TNKS2: variants seen among roughly 807,000 people sequenced by gnomAD.
The protein encoded by TNKS2 is tankyrase 2, also known as poly [ADP-ribose] polymerase tankyrase-2.
Under a neutral mutation model 137.6 loss-of-function variants are expected in TNKS2, and 72 were observed. The ratio of observed to expected loss-of-function variants is 0.52; its 90% CI spans 0.43 to 0.64. TNKS2 has a LOEUF of 0.64. Ranked by LOEUF, TNKS2 falls within the 30% of genes least tolerant of loss-of-function variation. The probability of loss-of-function intolerance (pLI) is 0.00; values close to 1 mark genes in which losing one functional copy is unlikely to be tolerated. For missense variants in TNKS2, 1,049 were observed against 1,410.2 expected (o/e 0.74, Z 4.10); for synonymous variants, 516 against 512.1 (o/e 1.01, Z -0.10).
intron 2 of TNKS2, among the ~76,000 whole-genome samples, chr10:91,816,698 T>TC (rs1844713305): frequency 1.3e-5 from 2 of 151,928 alleles, no homozygotes; most frequent in African/African-American, 4.8e-5. Context: ...TTTTTTTTTT[T>TC]CTTAAAAATC....
In TNKS2 at chr10:91,847,451, G is replaced by A. The variant is rs151322104; in HGVS notation, c.2359-932G>A. On this transcript the variant is annotated intron_variant, in intron 18 of 26. Transcript: ENST00000371627. ...ACAATCTGGGCTCACTGCAACCTCCGCCTCCCAGGTTCAAATGATTCTGCT... is the reference window on the plus strand; with the variant it reads ...ACAATCTGGGCTCACTGCAACCTCCACCTCCCAGGTTCAAATGATTCTGCT... Among the ~76,000 whole-genome samples the A allele has an allele frequency of 6.4e-3, 973 of 151,960 alleles. 14 individuals carry two copies. The highest frequency in any genetic ancestry group is 0.022 in the African/African-American group (925 of 41,400).
At chr10:91,817,269 A>G in intron 3 of TNKS2, 40 bp downstream of exon 3, 1 of 1,495,098 alleles carries the variant, frequency 6.7e-7, no homozygotes, top group South Asian at 1.2e-5. Flanking sequence ...AAGCCTGTAA[A>G]GAACAACCTT....
chr10:91,831,189 T>TTAG lies in TNKS2; in HGVS notation c.1275+8_1275+9insTAG. On this transcript the variant is annotated intron_variant, in intron 11 of 26. Coordinates refer to ENST00000371627, the MANE Select transcript of TNKS2 (RefSeq NM_025235.4). The stretch of plus-strand genomic sequence containing the variant: ...GTGAAACATGAAGCAAAGGTATACT[T>TTAG]CCTTTTTGGTAATCTTTGGTAATCC... 10 of 1,611,708 alleles carry TTAG rather than the reference T, an allele frequency of 6.2e-6. No individual in the cohort carries two copies. The highest frequency in any genetic ancestry group is 8.5e-6 in the Non-Finnish European group (10 of 1,178,134).
intron 25 of TNKS2, among the ~76,000 whole-genome samples, chr10:91,860,406 AG>A (rs1281129774): frequency 6.6e-6 from 1 of 152,192 alleles, no homozygotes; most frequent in Non-Finnish European, 1.5e-5. Flanking sequence ...ACAGATTCTT[AG>A]GCTCCACCTT....
intron 3 of TNKS2, among the ~76,000 whole-genome samples, chr10:91,817,691 C>G (rs776049137): frequency 2.6e-5 from 4 of 152,024 alleles, no homozygotes; most frequent in Non-Finnish European, 5.9e-5. Context: ...AAAACACTGG[C>G]CATTCCGTTA....
chr10:91,821,348 A>G (rs957191473), intron 6 of TNKS2, among the ~76,000 whole-genome samples: 1 of 152,096 alleles, frequency 6.6e-6, no homozygotes, highest in Non-Finnish European at 1.5e-5. Flanking sequence ...TCTCAGTTTA[A>G]TGGGGTGATA....
At chr10:91,810,916 T>TTTTC (rs1445965802) in intron 1 of TNKS2, among the ~76,000 whole-genome samples, 2 of 104,802 alleles carry the variant, frequency 1.9e-5, no homozygotes, top group Non-Finnish European at 3.6e-5. Flanking sequence ...CTCTCTTTTC[T>TTTTC]TTTCTTTTTT....
chr10:91,802,817 T>G (rs1271011704), intron 1 of TNKS2, among the ~76,000 whole-genome samples: 1 of 152,272 alleles, frequency 6.6e-6, no homozygotes, highest in Non-Finnish European at 1.5e-5. Flanking sequence ...TTTTCAGGAT[T>G]GGTTTTTGCT....
Position 91,841,458 on chromosome 10 carries a change from A to T in TNKS2, c.1839+10A>T. ...CAAACTTCTGCTCCAGGTATATTTAAATACTTAACTGTAAAGAGTATGAAT... is the reference window on the plus strand; with the variant it reads ...CAAACTTCTGCTCCAGGTATATTTATATACTTAACTGTAAAGAGTATGAAT... On this transcript the variant is annotated intron_variant, in intron 15 of 26. Transcript: ENST00000371627. 6.3e-7 allele frequency: 1 copy of T among 1,587,320 alleles called. No individual in the cohort carries two copies. The highest frequency in any genetic ancestry group is 8.6e-7 in the Non-Finnish European group (1 of 1,168,196).
At chr10:91,799,540 A>G (rs756124365) in intron 1 of TNKS2, among the ~76,000 whole-genome samples, 7 of 152,232 alleles carry the variant, frequency 4.6e-5, no homozygotes, top group Non-Finnish European at 7.3e-5. Flanking sequence ...GTAGTATAAG[A>G]GAAAAGATAG....
intron 18 of TNKS2, among the ~76,000 whole-genome samples, chr10:91,846,457 A>G (rs2133662144): frequency 6.6e-6 from 1 of 152,284 alleles, no homozygotes; most frequent in African/African-American, 2.4e-5. Context: ...TTTCCTGTGG[A>G]GGTCCTGTTT....
At chr10:91,847,942 C>T (rs553404603) in intron 18 of TNKS2, among the ~76,000 whole-genome samples, 6 of 152,174 alleles carry the variant, frequency 3.9e-5, no homozygotes, top group Admixed American at 6.5e-5. Flanking sequence ...TATATTTTGA[C>T]AATATGTGTT....
At position 91,851,287 on chromosome 10, in the gene TNKS2, T is replaced by C; in HGVS notation, c.2766T>C (p.His922=). The change falls in exon 21 of 27, where the codon CAT becomes CAC. Residue 922 remains histidine, a synonymous_variant. Coordinates refer to ENST00000371627, the MANE Select transcript of TNKS2 (RefSeq NM_025235.4). ...AGATTGGAATCAATGCTTATGGACA[T>C]AGGCACAAACTAATTAAAGGAGTCG... ...LKEIGINAYG[H]RHKLIKGVER... The C allele has an allele frequency of 6.2e-7, 1 of 1,610,696 alleles. No individual in the cohort carries two copies. The highest frequency in any genetic ancestry group is 1.1e-5 in the South Asian group (1 of 89,890).
At chr10:91,851,919 C>G (rs1376385231) in intron 21 of TNKS2, among the ~76,000 whole-genome samples, 3 of 152,150 alleles carry the variant, frequency 2.0e-5, no homozygotes, top group African/African-American at 7.2e-5. Context: ...CACTTTATAC[C>G]AGGTCTGGGT....
rs1300305259 is a variant in TNKS2 at position 91,857,591 on chromosome 10, A to G, written c.3094+61A>G. 3 of 1,108,806 alleles carry G rather than the reference A, an allele frequency of 2.7e-6. No individual in the cohort carries two copies. The African/African-American group carries it at 4.7e-5, about 17-fold the overall frequency. The allele number at this position is 1,108,806 out of a possible 1,614,324, so 68.7% of individuals were successfully genotyped here. On this transcript the variant is annotated intron_variant, in intron 24 of 26. Coordinates refer to ENST00000371627, the MANE Select transcript of TNKS2 (RefSeq NM_025235.4). Reference sequence around the variant, plus strand: ...CCACATTAGGATAGTTTTTTTGTTCAGATATGAAATAATAATAAGCCTGTA... The same window carrying G: ...CCACATTAGGATAGTTTTTTTGTTCGGATATGAAATAATAATAAGCCTGTA...
At chr10:91,851,426 A>T (rs1842535487) in intron 21 of TNKS2, 90 bp downstream of exon 21, 1 of 751,160 alleles carries the variant, frequency 1.3e-6, no homozygotes, top group Non-Finnish European at 1.7e-6. Context: ...AAAATATGAG[A>T]GAATCTGTTT....
chr10:91,841,248 T>C (rs1842203169), intron 14 of TNKS2, 35 bp from the exon 15 acceptor site: 1 of 1,468,382 alleles, frequency 6.8e-7, no homozygotes, highest in Admixed American at 2.4e-5. Flanking sequence ...AAACATGTTC[T>C]TCTGTGGCAT....
intron 18 of TNKS2, among the ~76,000 whole-genome samples, chr10:91,847,752 C>A (rs773068559): frequency 3.3e-5 from 5 of 152,186 alleles, no homozygotes; most frequent in Non-Finnish European, 5.9e-5. Flanking sequence ...TGAATATTTT[C>A]CAGGAAATAC....
chr10:91,817,544 T>C (rs1177196609), intron 3 of TNKS2, among the ~76,000 whole-genome samples: 2 of 152,206 alleles, frequency 1.3e-5, no homozygotes, highest in Non-Finnish European at 2.9e-5. Context: ...AGATAACTTA[T>C]GCCTGCCCTT....
Sources: allele counts gnomAD v4.1 joint callset (sites outside exome capture counted in the v4.1 genomes callset), GRCh38; gene constraint gnomAD v4.1.1; transcripts MANE v1.5; gene names NCBI Gene and HGNC (gene_info 2026-07-23, HGNC 2026-07-21).